Variants in PIH1D2 observed in about 807,000 individuals in gnomAD.
The protein encoded by PIH1D2 is PIH1 domain containing 2.
Under a neutral mutation model 31.2 loss-of-function variants are expected in PIH1D2, and 25 were observed. The ratio of observed to expected loss-of-function variants is 0.80; its 90% confidence interval spans 0.58 to 1.12. The LOEUF is 1.12. Among genes scored for constraint, PIH1D2 ranks in the 50% most tolerant of loss-of-function variants. The pLI, the probability that PIH1D2 is intolerant of heterozygous loss-of-function variation, is 0.00. For missense variants in PIH1D2, 310 were observed against 356.6 expected, an observed-to-expected ratio of 0.87 and a Z score of 1.05; for synonymous variants, 116 against 119.9, an observed-to-expected ratio of 0.97 and a Z score of 0.21.
At position 112,070,648 on chromosome 11, in the gene PIH1D2, G is replaced by A. The variant is rs149036285; in HGVS notation, c.601C>T (p.Pro201Ser). The stretch of plus-strand genomic sequence containing the variant: ...TGGTCTTTTGGCAGTAACAGTTGAG[G>A]AAAGTGATCTGGATTGCTCATAGTA... ...SSTMSNPDHF[P>S]QLLLPKDQVS... The change falls in exon 5 of 6, where the codon CCT becomes TCT. Residue 201 changes from proline to serine, a missense_variant. By Grantham distance (74) the Pro-to-Ser change is moderately conservative. Transcript: ENST00000280350. 2 of 1,613,960 alleles carry A rather than the reference G, an allele frequency of 1.2e-6. No individual in the cohort carries two copies. The highest frequency in any genetic ancestry group is 2.7e-5 in the African/African-American group (2 of 74,908).
rs36042742 is a variant in PIH1D2, at chr11:112,070,691, A to G, written c.558T>C (p.Leu186=). ...LREKMRRELT[L]GQIRSSTMSN... is the part of the protein sequence containing the mutation. Reference sequence around the variant, plus strand: ...TCATAGTACTGCTTCGTATCTGTCCAAGAGTTAGTTCTTTATGAAAAAAAG... The same window carrying G: ...TCATAGTACTGCTTCGTATCTGTCCGAGAGTTAGTTCTTTATGAAAAAAAG... The change falls in exon 5 of 6, where the codon CTT becomes CTC. Residue 186 remains leucine, a synonymous_variant. Coordinates refer to ENST00000280350, the MANE Select transcript of PIH1D2 (RefSeq NM_138789.4). 1.5e-4 allele frequency: 240 copies of G among 1,613,302 alleles called. 1 individual carries two copies. The African/African-American group carries it at 2.6e-3, about 18-fold the overall frequency.
chr11:112,064,063 A>C (rs1478265463), downstream of PIH1D2: 70 of 990,892 alleles, frequency 7.1e-5, no homozygotes, highest in Non-Finnish European at 8.4e-5. Context: ...CAATACATTA[A>C]TTTGATTTTT....
At chr11:112,071,525 A>T in intron 3 of PIH1D2, 110 bp downstream of exon 3, 1 of 1,380,252 alleles carries the variant, frequency 7.2e-7, no homozygotes, top group Non-Finnish European at 9.9e-7. Flanking sequence ...ACTAATTGTA[A>T]TTATATTATC....
downstream of PIH1D2, among the ~76,000 whole-genome samples, chr11:112,065,981 G>A (rs192975544): frequency 2.0e-4 from 30 of 151,514 alleles, no homozygotes; most frequent in Admixed American, 3.3e-4. Context: ...CTGGGTGACC[G>A]AGCGAGACTC....
At chr11:112,067,174 A>G (rs1165981766), downstream of PIH1D2, among the ~76,000 whole-genome samples, 1 of 152,208 alleles carries the variant, frequency 6.6e-6, no homozygotes, top group African/African-American at 2.4e-5. Flanking sequence ...CTTCTTGCAC[A>G]GTCTGGAATT....
chr11:112,060,807 TA>T (rs1225473961), downstream of PIH1D2, among the ~76,000 whole-genome samples: 1 of 152,184 alleles, frequency 6.6e-6, no homozygotes, highest in Non-Finnish European at 1.5e-5. Context: ...GAAAATAAAG[TA>T]AAATTCAATC....
intron 5 of PIH1D2, chr11:112,069,665 A>G (rs1465358918): frequency 6.6e-6 from 1 of 152,210 alleles, no homozygotes; most frequent in Non-Finnish European, 1.5e-5. Context: ...GTCGTGGAAA[A>G]AAATGGAACT....
chr11:112,072,739 C>G, intron 2 of PIH1D2: 1 of 307,862 alleles, frequency 3.2e-6, no homozygotes, highest in Non-Finnish European at 6.2e-6. Flanking sequence ...TAGTACACAC[C>G]TGTAATCCCA....
In PIH1D2 at chr11:112,071,591, C is replaced by A. The variant is rs1865113154; in HGVS notation, c.301+44G>T. ...TCAACCAAGTAAGATCTTGTCCATT[C>A]CTAATAAAATTTTTACAATGTGCTT... On this transcript the variant is annotated intron_variant, in intron 3 of 5. Transcript: ENST00000280350. 13 of 1,584,920 alleles carry A rather than the reference C, an allele frequency of 8.2e-6. No individual in the cohort carries two copies. In the East Asian group the frequency reaches 2.7e-4, roughly 33 times the overall value.
chr11:112,072,892 A>AAAAC, intron 2 of PIH1D2, 106 bp downstream of exon 2: 1 of 1,206,976 alleles, frequency 8.3e-7, no homozygotes, highest in Non-Finnish European at 1.1e-6. Flanking sequence ...AACAAAACAA[A>AAAAC]AAAAAAACAA....
downstream of PIH1D2, chr11:112,060,108 G>T: frequency 6.5e-7 from 1 of 1,541,000 alleles, no homozygotes. Flanking sequence ...TATTTTTAAG[G>T]TTTGCATAAT....
Position 112,067,822 on chromosome 11 carries a change from A to G in PIH1D2, c.*49T>C. On this transcript the variant is annotated 3_prime_UTR_variant, in exon 6 of 6. Transcript: ENST00000280350. ...CTTTAGCCAAAATGAAGGTCCTTTA[A>G]TTCACATGACTTTAGCACTGAAAAC... is the stretch of plus-strand genomic sequence containing the variant. The G allele has an allele frequency of 6.3e-7, 1 of 1,599,648 alleles. No individual in the cohort carries two copies. The highest frequency in any genetic ancestry group is 8.5e-7 in the Non-Finnish European group (1 of 1,175,248).
intron 1 of PIH1D2, among the ~76,000 whole-genome samples, chr11:112,073,587 G>A (rs782164288): frequency 8.5e-5 from 13 of 152,130 alleles, no homozygotes; most frequent in Admixed American, 3.3e-4. Context: ...GTATAGTTTA[G>A]TATTTCAAAG....
chr11:112,058,059 T>C, the PIH1D2 span, among the ~76,000 whole-genome samples: 1 of 152,204 alleles, frequency 6.6e-6, no homozygotes, highest in Non-Finnish European at 1.5e-5. Flanking sequence ...GAACTGAACC[T>C]GGAATATCAA....
chr11:112,055,275 G>A, the PIH1D2 span, among the ~76,000 whole-genome samples: 2 of 115,984 alleles, frequency 1.7e-5, no homozygotes, highest in Non-Finnish European at 3.2e-5. Context: ...ATGGAGTCCT[G>A]CTCTGTCGCC....
chr11:112,054,623 G>A, the PIH1D2 span, among the ~76,000 whole-genome samples: 2 of 152,110 alleles, frequency 1.3e-5, no homozygotes, highest in East Asian at 3.9e-4. Flanking sequence ...ACTTTTCCTT[G>A]GTCATTCTTC....
chr11:112,058,314 G>C (rs587773726), downstream of PIH1D2, among the ~76,000 whole-genome samples: 1 of 152,306 alleles, frequency 6.6e-6, no homozygotes, highest in East Asian at 1.9e-4. Flanking sequence ...CTACAGTTCT[G>C]TGGTAATTAA....
At chr11:112,063,594 A>G (rs1379832168), downstream of PIH1D2, 2 of 152,490 alleles carry the variant, frequency 1.3e-5, no homozygotes, top group African/African-American at 4.8e-5. Context: ...GATAAAGTAA[A>G]AAAGTTAAAT....
chr11:112,065,330 C>CT (rs1555183726), downstream of PIH1D2, among the ~76,000 whole-genome samples: 1 of 152,128 alleles, frequency 6.6e-6, no homozygotes, highest in Non-Finnish European at 1.5e-5. Flanking sequence ...AATTTTACCA[C>CT]TTTAAGTATA....
Sources: allele counts gnomAD v4.1 joint callset (sites outside exome capture counted in the v4.1 genomes callset), GRCh38; gene constraint gnomAD v4.1.1; transcripts MANE v1.5; gene names NCBI Gene and HGNC (gene_info 2026-07-23, HGNC 2026-07-21).